SCTR: variants seen among roughly 807,000 people sequenced by gnomAD.
The protein encoded by SCTR is pancreatic secretin receptor.
In SCTR, 56 loss-of-function variants were observed where a neutral mutation model predicts 60.8. The observed-to-expected ratio is 0.92, with a 90% CI of 0.74 to 1.15. The LOEUF is 1.15. SCTR is among the 50% of genes most tolerant of loss of function. The probability of loss-of-function intolerance (pLI) is 0.00; values close to 1 mark genes in which losing one functional copy is unlikely to be tolerated. For missense variants in SCTR, 562 were observed against 550.4 expected, an observed-to-expected ratio of 1.02 and a Z score of -0.21; for synonymous variants, 202 against 217.0, an observed-to-expected ratio of 0.93 and a Z score of 0.61.
chr2:119,479,203 T>G, intron 2 of SCTR: 1 of 1,088,116 alleles, frequency 9.2e-7, no homozygotes, highest in Non-Finnish European at 1.1e-6. Context: ...CTATAAGCTT[T>G]GCAAGTAAAG....
chr2:119,462,871 G>A (rs1458013713), intron 6 of SCTR, among the ~76,000 whole-genome samples: 3 of 152,242 alleles, frequency 2.0e-5, no homozygotes, highest in African/African-American at 7.2e-5. Flanking sequence ...TGACTTGTGA[G>A]TCTAATGTTT....
At chr2:119,458,736 A>C (rs1451814518) in intron 7 of SCTR, among the ~76,000 whole-genome samples, 3 of 152,314 alleles carry the variant, frequency 2.0e-5, no homozygotes, top group East Asian at 3.9e-4. Flanking sequence ...TAATGGTTTA[A>C]GTTGGTGGCT....
intron 1 of SCTR, among the ~76,000 whole-genome samples, chr2:119,520,029 G>C (rs1679241950): frequency 6.6e-6 from 1 of 152,116 alleles, no homozygotes; most frequent in Non-Finnish European, 1.5e-5. Context: ...GGACTCAGCA[G>C]AGTGTCTGGT....
chr2:119,500,828 AT>A (rs1458416890), intron 1 of SCTR, among the ~76,000 whole-genome samples: 1 of 152,210 alleles, frequency 6.6e-6, no homozygotes, highest in Non-Finnish European at 1.5e-5. Context: ...TAGGGTGACT[AT>A]AGTTTAAAAT....
intron 3 of SCTR, chr2:119,477,012 GA>G: frequency 6.6e-6 from 1 of 152,416 alleles, no homozygotes; most frequent in Non-Finnish European, 1.5e-5. Flanking sequence ...GTGGGAAGGA[GA>G]AAAAGGAAAA....
At chr2:119,484,148 T>A (rs66476922) in intron 2 of SCTR, among the ~76,000 whole-genome samples, 5,788 of 151,686 alleles carry the variant, frequency 0.038, 150 homozygotes, top group African/African-American at 0.072. Context: ...AGATAGGGGA[T>A]GGGGGAGCTT....
At chr2:119,481,551 G>T (rs967438759) in intron 2 of SCTR, among the ~76,000 whole-genome samples, 3 of 152,210 alleles carry the variant, frequency 2.0e-5, no homozygotes, top group Non-Finnish European at 2.9e-5. Context: ...ACAGCTGAGG[G>T]TTCCTCATTT....
rs57891952 is a variant in SCTR at position 119,470,359 on chromosome 2, G to A, written c.405+3094C>T. 5.8e-3 allele frequency among the ~76,000 whole-genome samples: 876 copies of A among 152,308 alleles called. 5 individuals carry two copies. The highest frequency in any genetic ancestry group is 0.017 in the African/African-American group (709 of 41,574). ...AAAGACATTTTAATAATAAGAAATA[G>A]GATGGTTTAAATCTCAGAATAAAGA... is the stretch of plus-strand genomic sequence containing the variant. On this transcript the variant is annotated intron_variant, in intron 4 of 12. Coordinates refer to ENST00000019103, the MANE Select transcript of SCTR (RefSeq NM_002980.3).
intron 11 of SCTR, among the ~76,000 whole-genome samples, chr2:119,445,919 C>T (rs1009320534): frequency 6.6e-5 from 10 of 152,148 alleles, no homozygotes; most frequent in African/African-American, 7.2e-5. Flanking sequence ...GATCCTTCAT[C>T]GACTTATTTT....
At chr2:119,472,126 GGAGTGAAT>G (rs1365264635) in intron 4 of SCTR, among the ~76,000 whole-genome samples, 2 of 152,198 alleles carry the variant, frequency 1.3e-5, no homozygotes, top group African/African-American at 2.4e-5. Context: ...GAGTGTTTGT[GGAGTGAAT>G]GAATGCCTTT....
chr2:119,461,737 A>G (rs1051005526), intron 7 of SCTR, 110 bp downstream of exon 7: 22 of 730,732 alleles, frequency 3.0e-5, no homozygotes, highest in Admixed American at 6.2e-5. Context: ...AAAAAAGATT[A>G]CACAAGTTAG....
In SCTR at chr2:119,461,920, G is replaced by A. The variant is rs779456790; in HGVS notation, c.717C>T (p.Tyr239=). ...NYSWLLVEGL[Y]LHTLLAISFF... is the part of the protein sequence containing the mutation. ...AGGAGATGGCGAGGAGTGTGTGAAGGTAGAGGCCTTCCACCAGCAGCCAGG... is the reference window on the plus strand; with the variant it reads ...AGGAGATGGCGAGGAGTGTGTGAAGATAGAGGCCTTCCACCAGCAGCCAGG... Residue 239 remains tyrosine (Y), a synonymous_variant, in exon 7 of 13, where the codon TAC becomes TAT. Transcript: ENST00000019103. 3 of 1,614,002 alleles carry A rather than the reference G, an allele frequency of 1.9e-6. No homozygotes were observed. Among genetic ancestry groups the A allele is most frequent in the East Asian group, 4.5e-5 (2 of 44,874 alleles).
chr2:119,491,143 C>T (rs892049071), intron 2 of SCTR, among the ~76,000 whole-genome samples: 7 of 152,194 alleles, frequency 4.6e-5, no homozygotes, highest in African/African-American at 1.7e-4. Flanking sequence ...AGGCTCACAG[C>T]GAGTCTCTCT....
intron 12 of SCTR, among the ~76,000 whole-genome samples, chr2:119,441,055 T>G (rs749683314): frequency 8.5e-5 from 13 of 152,194 alleles, no homozygotes; most frequent in Non-Finnish European, 1.5e-4. Flanking sequence ...AAAGTGAGTG[T>G]GCAGTCTCCC....
At chr2:119,521,252 T>G (rs1009786893) in intron 1 of SCTR, among the ~76,000 whole-genome samples, 2 of 152,230 alleles carry the variant, frequency 1.3e-5, no homozygotes, top group African/African-American at 4.8e-5. Context: ...CTGACACATT[T>G]CTGTACAATT....
At chr2:119,519,648 A>G (rs1679224229) in intron 1 of SCTR, among the ~76,000 whole-genome samples, 1 of 151,832 alleles carries the variant, frequency 6.6e-6, no homozygotes, top group Non-Finnish European at 1.5e-5. Flanking sequence ...CTACTAAAAA[A>G]TACAAAAATT....
intron 7 of SCTR, among the ~76,000 whole-genome samples, chr2:119,454,305 G>A (rs567915649): frequency 3.4e-4 from 52 of 152,234 alleles, no homozygotes; most frequent in African/African-American, 8.7e-4. Context: ...CACCCCAGGC[G>A]GCCAGCACTA....
At chr2:119,523,904 G>A (rs2104970050) in intron 1 of SCTR, among the ~76,000 whole-genome samples, 1 of 152,326 alleles carries the variant, frequency 6.6e-6, no homozygotes, top group South Asian at 2.1e-4. Flanking sequence ...AGAGGAAGGG[G>A]TCGGTGGTGG....
chr2:119,448,118 G>T (rs73948701), intron 10 of SCTR, among the ~76,000 whole-genome samples: 3,152 of 152,282 alleles, frequency 0.021, 109 homozygotes, highest in African/African-American at 0.072. Flanking sequence ...CAAAGACCCT[G>T]TGAGGACACA....
Sources: gnomAD v4.1 joint callset for allele counts (sites outside exome capture counted in the v4.1 genomes callset) on GRCh38, gnomAD v4.1.1 for gene constraint, MANE v1.5 for transcripts, NCBI Gene and HGNC (gene_info 2026-07-23, HGNC 2026-07-21) for gene names.